Variants in DDX5 observed in about 807,000 individuals in gnomAD.
The protein encoded by DDX5 is DEAD-box helicase 5, also known as probable ATP-dependent RNA helicase DDX5.
A neutral mutation model predicts 68.6 loss-of-function variants in DDX5; 6 were observed. The ratio of observed to expected loss-of-function variants is 0.09; its 90% CI spans 0.05 to 0.17. The LOEUF (loss-of-function observed/expected upper bound fraction) is 0.17, where lower values mean the gene tolerates loss of function less well. Ranked by LOEUF, DDX5 falls within the 10% of genes least tolerant of loss-of-function variation. DDX5 has a pLI of 1.00. For synonymous variants in DDX5, 350 were observed against 247.0 expected, an observed-to-expected ratio of 1.42 and a Z score of -3.91; for missense variants, 499 against 756.1, an observed-to-expected ratio of 0.66 and a Z score of 3.99.
upstream of DDX5, chr17:64,506,295 C>T (rs1377518189): frequency 3.3e-6 from 5 of 1,520,926 alleles, no homozygotes; most frequent in Non-Finnish European, 4.4e-6. Flanking sequence ...GAGGTGCCGG[C>T]CGCTTTCCGG....
chr17:64,501,787 T>G, intron 11 of DDX5: 1 of 586,058 alleles, frequency 1.7e-6, no homozygotes, highest in Non-Finnish European at 3.0e-6. Flanking sequence ...CACGTTCAGC[T>G]TTTTCACCTC....
rs1214851076 is a variant in DDX5 at position 64,498,427 on chromosome 17, A to G, written c.*1496T>C. 1.3e-5 allele frequency among the ~76,000 whole-genome samples: 2 copies of G among 152,256 alleles called. No homozygotes were observed. Among genetic ancestry groups the G allele is most frequent in the Non-Finnish European group, 2.9e-5 (2 of 68,050 alleles). ...AAGGCCCACGGTTAAGACATTAAACAGTAAAATATGTAATAAATGCTCCAA... is the reference window on the plus strand; with the variant it reads ...AAGGCCCACGGTTAAGACATTAAACGGTAAAATATGTAATAAATGCTCCAA... On this transcript the variant is annotated 3_prime_UTR_variant, in exon 13 of 13. Transcript: ENST00000225792.
intron 8 of DDX5, 128 bp downstream of exon 8, chr17:64,502,798 G>C: frequency 3.1e-6 from 3 of 973,960 alleles, no homozygotes; most frequent in Non-Finnish European, 4.4e-6. Flanking sequence ...GAAATTTTCA[G>C]GATTAGTAGG....
At chr17:64,504,189 C>T in intron 3 of DDX5, 33 bp downstream of exon 3, 1 of 1,612,714 alleles carries the variant, frequency 6.2e-7, no homozygotes, top group Non-Finnish European at 8.5e-7. Flanking sequence ...GAAACAAAAA[C>T]ACGGGTAGGT....
In DDX5 at chr17:64,502,059, A is replaced by G; in HGVS notation, c.1167T>C (p.His389=). 1.2e-6 allele frequency: 2 copies of G among 1,614,170 alleles called. No individual in the cohort carries two copies. Among genetic ancestry groups the G allele is most frequent in the Non-Finnish European group, 1.7e-6 (2 of 1,180,012 alleles). The stretch of plus-strand genomic sequence containing the variant: ...TAGCAATCAGAATAGGAGCTTTTCC[A>G]TGTTTGAATTCTACAAAGGAAGGCA... ...ERDWVLNEFK[H]GKAPILIATD... Residue 389 remains histidine (H), a synonymous_variant, in exon 11 of 13, where the codon CAT becomes CAC. Transcript: ENST00000225792.
chr17:64,498,560 C>CT lies in DDX5; in HGVS notation c.*1362dup, dbSNP rs2038212247. On this transcript the variant is annotated 3_prime_UTR_variant, in exon 13 of 13. Transcript: ENST00000225792. ...TACAGGCTGAATTAGTTTTCAATGT[C>CT]TAAGTCCTAGAAATATCACTCCCTA... 6.6e-6 allele frequency among the ~76,000 whole-genome samples: 1 copy of CT among 152,206 alleles called. No homozygotes were observed.
In DDX5 at chr17:64,499,095, C is replaced by T. The variant is rs2038230100; in HGVS notation, c.*828G>A. On this transcript the variant is annotated 3_prime_UTR_variant, in exon 13 of 13. Coordinates refer to ENST00000225792, the MANE Select transcript of DDX5 (RefSeq NM_004396.5). ...TAAGAACGAAATTCAGTAAAGGAGA[C>T]TCAAGCTTAGCTCCTGGCCATCTTA... is the stretch of plus-strand genomic sequence containing the variant. 6.6e-6 allele frequency among the ~76,000 whole-genome samples: 1 copy of T among 152,340 alleles called. No homozygotes were observed. Among genetic ancestry groups the T allele is most frequent in the African/African-American group, 2.4e-5 (1 of 41,570 alleles).
chr17:64,506,486 G>A (rs2038532630), upstream of DDX5: 8 of 973,416 alleles, frequency 8.2e-6, no homozygotes, highest in East Asian at 3.4e-5. Context: ...CCATTGGAAT[G>A]CCTCATTCTG....
Position 64,503,338 on chromosome 17 carries a change from G to C in DDX5, c.660C>G (p.Ile220Met). ...QIRDLERGVE[I>M]CIATPGRLID... is the part of the protein sequence containing the mutation. ...TCAGTCTTCCAGGTGTTGCAATACA[G>C]ATTTCCACACCTTTAATTAAATACG... The change falls in exon 7 of 13, where the codon ATC (isoleucine) becomes ATG (methionine). Residue 220 changes from isoleucine to methionine, a missense_variant. Physicochemically the swap from Ile to Met is conservative, Grantham distance 10. This residue lies in a region of DDX5 where 141 missense variants were observed against 279.8 expected (regional missense o/e 0.50). Coordinates refer to ENST00000225792, the MANE Select transcript of DDX5 (RefSeq NM_004396.5). The C allele has an allele frequency of 6.2e-7, 1 of 1,614,176 alleles. No homozygotes were observed. The highest frequency in any genetic ancestry group is 8.5e-7 in the Non-Finnish European group (1 of 1,180,020).
At chr17:64,503,143 T>G in intron 7 of DDX5, 45 bp from the exon 8 acceptor site, 1 of 1,612,532 alleles carries the variant, frequency 6.2e-7, no homozygotes, top group Non-Finnish European at 8.5e-7. Flanking sequence ...CTCTTAAGAG[T>G]GAAAACACAA....
chr17:64,506,408 G>A (rs1243643178), upstream of DDX5: 12 of 1,389,044 alleles, frequency 8.6e-6, no homozygotes, highest in South Asian at 1.5e-4. Context: ...CGCAACGCCC[G>A]CTGGCGTTCC....
chr17:64,506,286 A>G lies in DDX5; in HGVS notation c.-167T>C, dbSNP rs1229995593. On this transcript the variant is annotated 5_prime_UTR_variant, in exon 1 of 13. Transcript: ENST00000225792. ...TACTAGAGACCGGTAGAAATGAATG[A>G]GGTGCCGGCCGCTTTCCGGCAGCCG... The G allele has an allele frequency of 3.3e-6, 5 of 1,527,918 alleles. No homozygotes were observed. In the East Asian group the frequency reaches 9.9e-5, roughly 30 times the overall value. 94.6% of individuals were successfully genotyped at this position (1,527,918 alleles called of 1,614,324 possible).
Position 64,499,552 on chromosome 17 carries a change from A to C in DDX5, c.*371T>G, listed in dbSNP as rs966663778. 5.1e-5 allele frequency: 12 copies of C among 235,346 alleles called. No individual in the cohort carries two copies. Among genetic ancestry groups the C allele is most frequent in the African/African-American group, 2.0e-4 (9 of 45,314 alleles). The allele number at this position is 235,346 out of a possible 1,614,324, so 14.6% of individuals were successfully genotyped here. A position where few individuals can be genotyped will look rare whatever the true frequency, so the allele number is the denominator to read the frequency against. ...AAAAAAAACCAAACAAAAACAAAAA[A>C]AAAACCAGACCATCTTAAGCAAAGT... is the stretch of plus-strand genomic sequence containing the variant. On this transcript the variant is annotated 3_prime_UTR_variant, in exon 13 of 13. Coordinates refer to ENST00000225792, the MANE Select transcript of DDX5 (RefSeq NM_004396.5).
Position 64,506,060 on chromosome 17 carries a change from C to G in DDX5, c.44+16G>C, listed in dbSNP as rs1555672457. Reference sequence around the variant, plus strand: ...CCCCCACCCGCCAGGCCTGACAGCTCGGCTCCCAAACTCACCCTCGGTCCC... The same window carrying G: ...CCCCCACCCGCCAGGCCTGACAGCTGGGCTCCCAAACTCACCCTCGGTCCC... On this transcript the variant is annotated intron_variant, in intron 1 of 12. Transcript: ENST00000225792. 1.3e-6 allele frequency: 2 copies of G among 1,588,114 alleles called. No homozygotes were observed. Among genetic ancestry groups the G allele is most frequent in the Non-Finnish European group, 1.7e-6 (2 of 1,168,220 alleles).
At position 64,503,803 on chromosome 17, in the gene DDX5, A is replaced by T. The variant is rs782351829; in HGVS notation, c.507T>A (p.Ile169=). The change falls in exon 5 of 13, where the codon ATT becomes ATA. Residue 169 remains isoleucine, a splice_region_variant and synonymous_variant. Coordinates refer to ENST00000225792, the MANE Select transcript of DDX5 (RefSeq NM_004396.5). ...QPFLERGDGP[I]CLVLAPTREL... ...TAAAAAGTTAAAAATATATACTTAC[A>T]ATAGGCCCATCGCCTCTCTCTAGGA... 31 of 1,613,736 alleles carry T rather than the reference A, an allele frequency of 1.9e-5. No individual in the cohort carries two copies. The South Asian group carries it at 2.7e-4, about 14-fold the overall frequency.
Position 64,504,891 on chromosome 17 carries a change from G to A in DDX5, c.45-49C>T, listed in dbSNP as rs114929778. The A allele has an allele frequency of 1.7e-3, 2,592 of 1,548,416 alleles. 39 individuals are homozygous for A. In the African/African-American group the frequency reaches 0.032, roughly 19 times the overall value. ...CACATTTTCAAATGGCTATACCCAG[G>A]TTTCTGTATAGATTTGTCATCCATT... On this transcript the variant is annotated intron_variant, in intron 1 of 12. Transcript: ENST00000225792.
At position 64,499,982 on chromosome 17, in the gene DDX5, G is replaced by A. The variant is rs782723096; in HGVS notation, c.1786C>T (p.Pro596Ser). Residue 596 changes from proline (P) to serine (S), a missense_variant, in exon 13 of 13, where the codon CCT becomes TCT. By Grantham distance (74) the Pro-to-Ser change is moderately conservative (BLOSUM62 -1). Coordinates refer to ENST00000225792, the MANE Select transcript of DDX5 (RefSeq NM_004396.5). ...NGMNQQAYAY[P>S]ATAAAPMIGY... The stretch of plus-strand genomic sequence containing the variant: ...ATCATAGGTGCAGCTGCAGTAGCAG[G>A]ATATGCATATGCCTGTTGGTTCATA... 3.1e-6 allele frequency: 5 copies of A among 1,613,760 alleles called. No individual in the cohort carries two copies. The Admixed American group carries it at 5.0e-5, about 16-fold the overall frequency.
chr17:64,501,425 ATG>A (rs1555671072), intron 11 of DDX5: 1 of 156,502 alleles, frequency 6.4e-6, no homozygotes, highest in African/African-American at 2.4e-5. Context: ...CCCACTTACT[ATG>A]TGTGAGAAGT....
intron 2 of DDX5, 148 bp from the exon 3 acceptor site, chr17:64,504,466 G>GA (rs573509216): frequency 2.4e-3 from 2,086 of 865,168 alleles, no homozygotes; most frequent in Non-Finnish European, 3.0e-3. Flanking sequence ...ACCCTATTAT[G>GA]AAAAAAAAAA....
Sources: gnomAD v4.1 joint callset for allele counts (sites outside exome capture counted in the v4.1 genomes callset) on GRCh38, gnomAD v4.1.1 for gene constraint, gnomAD v4.1.1 regional missense constraint, MANE v1.5 for transcripts, NCBI Gene and HGNC (gene_info 2026-07-23, HGNC 2026-07-21) for gene names.